Variants in EGFLAM observed in about 807,000 individuals in gnomAD.
The protein encoded by EGFLAM is pikachurin.
In EGFLAM, 79 loss-of-function variants were observed where a neutral mutation model predicts 113.1. The ratio of observed to expected loss-of-function variants is 0.70; its 90% CI spans 0.58 to 0.84. EGFLAM has a LOEUF of 0.84. Among genes scored for constraint, EGFLAM ranks in the 40% least tolerant of loss-of-function variants. EGFLAM has a pLI of 0.00. For missense variants in EGFLAM, 1,265 were observed against 1,291.6 expected, an observed-to-expected ratio of 0.98 and a Z score of 0.32; for synonymous variants, 504 against 487.6, an observed-to-expected ratio of 1.03 and a Z score of -0.44.
At chr5:38,304,465 G>A (rs747020935) in intron 1 of EGFLAM, among the ~76,000 whole-genome samples, 11 of 152,284 alleles carry the variant, frequency 7.2e-5, no homozygotes, top group South Asian at 2.1e-4. Context: ...CATGGGATGC[G>A]GAGACCTCAG....
In EGFLAM at chr5:38,275,479, C is replaced by T. The variant is rs76339926; in HGVS notation, c.97+16628C>T. ...AACTATAAAAAGAGACAAAAAAGGT[C>T]GGTATATAATGATAAAGGAGTCAGT... is the stretch of plus-strand genomic sequence containing the variant. On this transcript the variant is annotated intron_variant, in intron 1 of 21. Coordinates refer to ENST00000322350, the MANE Select transcript of EGFLAM (RefSeq NM_152403.4). Among the ~76,000 whole-genome samples, 1,333 of 152,078 alleles carry T rather than the reference C, an allele frequency of 8.8e-3. 24 individuals are homozygous for T. The highest frequency in any genetic ancestry group is 0.028 in the African/African-American group (1,158 of 41,472).
chr5:38,462,786 AT>A, intron 20 of EGFLAM, 121 bp from the exon 21 acceptor site: 1 of 1,116,770 alleles, frequency 9.0e-7, no homozygotes, highest in Non-Finnish European at 1.3e-6. Flanking sequence ...CAGCCCCATC[AT>A]TTAGCACAGT....
chr5:38,431,601 A>C (rs547396403), intron 15 of EGFLAM, among the ~76,000 whole-genome samples: 1 of 152,278 alleles, frequency 6.6e-6, no homozygotes, highest in African/African-American at 2.4e-5. Flanking sequence ...CAGCTACAGC[A>C]AGTAGTAGGT....
At chr5:38,445,895 G>A (rs1378859004) in intron 17 of EGFLAM, among the ~76,000 whole-genome samples, 1 of 152,120 alleles carries the variant, frequency 6.6e-6, no homozygotes, top group African/African-American at 2.4e-5. Flanking sequence ...TGCTGGGGGC[G>A]CCCACAGACC....
intron 4 of EGFLAM, 75 bp downstream of exon 4, chr5:38,350,693 G>A: frequency 1.4e-6 from 2 of 1,384,490 alleles, no homozygotes; most frequent in Non-Finnish European, 2.0e-6. Context: ...ATATCAATAG[G>A]GACTTACTAT....
intron 6 of EGFLAM, among the ~76,000 whole-genome samples, chr5:38,377,904 C>T (rs951400628): frequency 6.6e-6 from 1 of 152,138 alleles, no homozygotes; most frequent in Admixed American, 6.5e-5. Flanking sequence ...CCTCATTTTA[C>T]CCCTGGGTTC....
chr5:38,339,551 C>T (rs368998387), intron 3 of EGFLAM, among the ~76,000 whole-genome samples: 1 of 152,242 alleles, frequency 6.6e-6, no homozygotes, highest in Admixed American at 6.5e-5. Context: ...GGAACTATCA[C>T]TTATTGAGCA....
intron 5 of EGFLAM, among the ~76,000 whole-genome samples, chr5:38,362,360 A>C (rs1739945747): frequency 6.6e-6 from 1 of 152,236 alleles, no homozygotes; most frequent in African/African-American, 2.4e-5. Flanking sequence ...TTTTACTGGA[A>C]TATATAGCAA....
intron 20 of EGFLAM, among the ~76,000 whole-genome samples, chr5:38,458,972 C>CA (rs1300336213): frequency 9.0e-4 from 120 of 133,492 alleles, no homozygotes; most frequent in South Asian, 2.0e-3. Context: ...GACCCCATCT[C>CA]AAAAAAAAAA....
chr5:38,312,778 G>A (rs1226774183), intron 1 of EGFLAM, among the ~76,000 whole-genome samples: 1 of 152,014 alleles, frequency 6.6e-6, no homozygotes, highest in South Asian at 2.1e-4. Context: ...AGTAATGCAC[G>A]ATCTTTAGAG....
At chr5:38,326,867 C>T (rs1738899468) in intron 1 of EGFLAM, among the ~76,000 whole-genome samples, 1 of 149,040 alleles carries the variant, frequency 6.7e-6, no homozygotes, top group South Asian at 2.1e-4. Flanking sequence ...GGCGCAATCT[C>T]GGCTCACAGC....
chr5:38,272,267 T>TATTATAA (rs1757782367), intron 1 of EGFLAM, among the ~76,000 whole-genome samples: 1 of 152,182 alleles, frequency 6.6e-6, no homozygotes, highest in South Asian at 2.1e-4. Context: ...TTATAATGTC[T>TATTATAA]TTGGAGGCTA....
At position 38,418,336 on chromosome 5, in the gene EGFLAM, G is replaced by C. The variant is rs541409690; in HGVS notation, c.1684+81G>C. 8.0e-5 allele frequency: 122 copies of C among 1,517,346 alleles called. 1 individual carries two copies. The South Asian group carries it at 1.3e-3, about 16-fold the overall frequency. The allele number at this position is 1,517,346 out of a possible 1,614,324, so 94.0% of individuals were successfully genotyped here. A position where few individuals can be genotyped will look rare whatever the true frequency, so the allele number is the denominator to read the frequency against. On this transcript the variant is annotated intron_variant, in intron 12 of 21. Coordinates refer to ENST00000322350, the MANE Select transcript of EGFLAM (RefSeq NM_152403.4). ...CTGCCTTTCTGGCTTGGGCCATGGA[G>C]GGAGCAGCAACATTAGGTGCTACCC...
chr5:38,280,235 T>G (rs1476132159), intron 1 of EGFLAM, among the ~76,000 whole-genome samples: 1 of 152,224 alleles, frequency 6.6e-6, no homozygotes, highest in East Asian at 1.9e-4. Context: ...AAAACATAAA[T>G]GACTACAAAT....
chr5:38,450,302 T>TG (rs1338534425), intron 18 of EGFLAM, among the ~76,000 whole-genome samples: 3 of 152,136 alleles, frequency 2.0e-5, no homozygotes, highest in Admixed American at 1.3e-4. Flanking sequence ...GAACCTGGCC[T>TG]GGGGGGCCTC....
At chr5:38,359,495 T>C (rs1040167323) in intron 5 of EGFLAM, among the ~76,000 whole-genome samples, 7 of 152,118 alleles carry the variant, frequency 4.6e-5, no homozygotes, top group Non-Finnish European at 1.0e-4. Context: ...GCCAACATGG[T>C]GAAACCCTAT....
intron 1 of EGFLAM, among the ~76,000 whole-genome samples, chr5:38,284,262 T>A (rs1758095408): frequency 6.6e-6 from 1 of 152,208 alleles, no homozygotes; most frequent in Non-Finnish European, 1.5e-5. Flanking sequence ...CAGTCATACC[T>A]CATAATAGAG....
At chr5:38,336,596 CACAG>C (rs1739193461) in intron 1 of EGFLAM, among the ~76,000 whole-genome samples, 2 of 151,478 alleles carry the variant, frequency 1.3e-5, no homozygotes, top group Admixed American at 6.6e-5. Flanking sequence ...CACACACACA[CACAG>C]ACACACAGAC....
At chr5:38,301,985 A>C (rs1333681249) in intron 1 of EGFLAM, among the ~76,000 whole-genome samples, 1 of 152,078 alleles carries the variant, frequency 6.6e-6, no homozygotes, top group Non-Finnish European at 1.5e-5. Context: ...CACACCTGTA[A>C]TCCCAGCACT....
Sources: allele counts gnomAD v4.1 joint callset (sites outside exome capture counted in the v4.1 genomes callset), GRCh38; gene constraint gnomAD v4.1.1; transcripts MANE v1.5; gene names NCBI Gene and HGNC (gene_info 2026-07-23, HGNC 2026-07-21).